SLIT3: variants seen among roughly 807,000 people sequenced by gnomAD.
SLIT3 encodes slit guidance ligand 3.
Under a neutral mutation model 184.0 loss-of-function variants are expected in SLIT3, and 68 were observed. The ratio of observed to expected loss-of-function variants is 0.37; its 90% confidence interval spans 0.30 to 0.45. SLIT3 has a LOEUF of 0.45. Among genes scored for constraint, SLIT3 ranks in the 20% least tolerant of loss-of-function variants. The pLI is 1.00. For synonymous variants in SLIT3, 831 were observed against 828.6 expected, an observed-to-expected ratio of 1.00 and a Z score of -0.05; for missense variants, 1,707 against 2,026.0, an observed-to-expected ratio of 0.84 and a Z score of 3.02.
chr5:169,192,419 GTC>G lies in SLIT3; in HGVS notation c.413+1058_413+1059del, dbSNP rs1245541852. ...CTTTTAAAATAAATTTATGTATATAGTCTCTGTGTGTGTGTGTGTGTGTGTGT... is the reference window on the plus strand; with the variant it reads ...CTTTTAAAATAAATTTATGTATATAGTCTGTGTGTGTGTGTGTGTGTGTGT... On this transcript the variant is annotated intron_variant, in intron 4 of 35. Transcript: ENST00000519560. 3.3e-4 allele frequency among the ~76,000 whole-genome samples: 41 copies of G among 124,988 alleles called. 1 individual carries two copies. Among genetic ancestry groups the G allele is most frequent in the Admixed American group, 1.9e-3 (20 of 10,386 alleles). 82.0% of individuals were successfully genotyped at this position (124,988 alleles called of 152,430 possible). A position where few individuals can be genotyped will look rare whatever the true frequency, so the allele number is the denominator to read the frequency against.
chr5:168,896,284 T>C (rs780849392), intron 4 of SLIT3, among the ~76,000 whole-genome samples: 6 of 152,184 alleles, frequency 3.9e-5, no homozygotes, highest in Non-Finnish European at 7.3e-5. Flanking sequence ...TTTGCATCTG[T>C]ATAATGCGGA....
chr5:169,070,523 C>T (rs1022561989), intron 4 of SLIT3, among the ~76,000 whole-genome samples: 3 of 152,198 alleles, frequency 2.0e-5, no homozygotes, highest in Non-Finnish European at 4.4e-5. Context: ...GAACTAATTA[C>T]TCTGCCAGTC....
intron 4 of SLIT3, among the ~76,000 whole-genome samples, chr5:168,939,187 G>C (rs760160990): frequency 6.6e-6 from 1 of 152,208 alleles, no homozygotes; most frequent in African/African-American, 2.4e-5. Context: ...GGCAACTTAC[G>C]TAGCTGCGCT....
At chr5:168,891,715 G>C (rs1760470702) in intron 4 of SLIT3, among the ~76,000 whole-genome samples, 1 of 152,182 alleles carries the variant, frequency 6.6e-6, no homozygotes, top group Admixed American at 6.5e-5. Flanking sequence ...AACCTGTTAG[G>C]CTGCAAGCTT....
intron 4 of SLIT3, among the ~76,000 whole-genome samples, chr5:168,990,765 T>C (rs1291627790): frequency 1.3e-5 from 2 of 152,166 alleles, no homozygotes; most frequent in African/African-American, 4.8e-5. Context: ...GGGTTAGTAA[T>C]GTCCCTCAGC....
intron 4 of SLIT3, among the ~76,000 whole-genome samples, chr5:168,957,751 G>A (rs988454307): frequency 2.0e-4 from 29 of 145,854 alleles, no homozygotes; most frequent in African/African-American, 7.6e-4. Flanking sequence ...TGATTCTGTT[G>A]CACCCTCCAC....
intron 5 of SLIT3, among the ~76,000 whole-genome samples, chr5:168,862,284 A>G (rs533933870): frequency 1.3e-5 from 2 of 152,176 alleles, no homozygotes; most frequent in African/African-American, 2.4e-5. Flanking sequence ...TGATGAGCGC[A>G]CCAAAATTTC....
At chr5:168,679,159 A>C (rs1582520292) in intron 32 of SLIT3, among the ~76,000 whole-genome samples, 2 of 152,202 alleles carry the variant, frequency 1.3e-5, no homozygotes, top group African/African-American at 4.8e-5. Context: ...CCAGGGTTCA[A>C]GTGATCCTCC....
intron 6 of SLIT3, among the ~76,000 whole-genome samples, chr5:168,840,526 C>G (rs143608074): frequency 7.9e-5 from 12 of 151,780 alleles, no homozygotes; most frequent in African/African-American, 2.4e-4. Context: ...CATCCTCAGC[C>G]TGGCTGGTAT....
chr5:168,786,649 A>AC (rs1756164197), intron 11 of SLIT3, among the ~76,000 whole-genome samples: 1 of 151,904 alleles, frequency 6.6e-6, no homozygotes, highest in Admixed American at 6.6e-5. Context: ...GCCTCCAGTG[A>AC]CCCTCATACT....
chr5:169,193,103 G>A (rs554820991), intron 4 of SLIT3, among the ~76,000 whole-genome samples: 5 of 152,258 alleles, frequency 3.3e-5, no homozygotes, highest in Non-Finnish European at 5.9e-5. Flanking sequence ...GGTCCAAACC[G>A]TTGCCTTCTG....
At chr5:168,963,671 A>G (rs1763088642) in intron 4 of SLIT3, among the ~76,000 whole-genome samples, 1 of 152,220 alleles carries the variant, frequency 6.6e-6, no homozygotes, top group South Asian at 2.1e-4. Context: ...TGTGTTAGGT[A>G]CCTGATTCAG....
intron 4 of SLIT3, among the ~76,000 whole-genome samples, chr5:169,117,329 A>G (rs1372454848): frequency 1.3e-5 from 2 of 152,200 alleles, no homozygotes; most frequent in Non-Finnish European, 2.9e-5. Flanking sequence ...GTGAGTGAGC[A>G]AAGATCATGT....
chr5:168,973,880 C>T (rs1754665812), intron 4 of SLIT3, among the ~76,000 whole-genome samples: 1 of 152,164 alleles, frequency 6.6e-6, no homozygotes, highest in Non-Finnish European at 1.5e-5. Context: ...ATATGCTTAA[C>T]ACTTTGTATA....
chr5:169,252,733 T>C (rs932075224), intron 1 of SLIT3, among the ~76,000 whole-genome samples: 1 of 152,170 alleles, frequency 6.6e-6, no homozygotes, highest in Non-Finnish European at 1.5e-5. Flanking sequence ...TGAATCCCCA[T>C]CCAAACATTC....
At position 169,284,571 on chromosome 5, in the gene SLIT3, T is replaced by C. The variant is rs116722843; in HGVS notation, c.197+15942A>G. 8.2e-3 allele frequency among the ~76,000 whole-genome samples: 1,256 copies of C among 152,294 alleles called. 30 individuals are homozygous for C. The highest frequency in any genetic ancestry group is 0.029 in the African/African-American group (1,189 of 41,562). On this transcript the variant is annotated intron_variant, in intron 1 of 35. Transcript: ENST00000519560. ...GTGTCAGGGTCTGAGACAGAAGCAT[T>C]CCTCATCTTCACAATAACCCTACAA...
chr5:168,746,350 T>TGTGTAA (rs1763808496), intron 20 of SLIT3, among the ~76,000 whole-genome samples: 2 of 85,026 alleles, frequency 2.4e-5, no homozygotes, highest in Admixed American at 2.3e-4. Context: ...GTGGTGTGGG[T>TGTGTAA]GTGTGGTGGT....
At chr5:169,008,361 T>C (rs1452104573) in intron 4 of SLIT3, among the ~76,000 whole-genome samples, 2 of 152,108 alleles carry the variant, frequency 1.3e-5, no homozygotes, top group Non-Finnish European at 2.9e-5. Context: ...GACAAGGGCC[T>C]GACTTCCCTA....
intron 20 of SLIT3, among the ~76,000 whole-genome samples, chr5:168,737,438 TCTC>T: frequency 6.6e-6 from 1 of 152,224 alleles, no homozygotes; most frequent in South Asian, 2.1e-4. Context: ...CCTTTTCCTG[TCTC>T]CTGTCAGTGC....
Sources: gnomAD v4.1 joint callset for allele counts (sites outside exome capture counted in the v4.1 genomes callset) on GRCh38, gnomAD v4.1.1 for gene constraint, MANE v1.5 for transcripts, NCBI Gene and HGNC (gene_info 2026-07-23, HGNC 2026-07-21) for gene names.